The following MUC5B variants were observed in gnomAD, a reference collection of about 807,000 sequenced individuals.
The protein encoded by MUC5B is mucin 5B, oligomeric mucus/gel-forming, also known as mucin-5B.
Under a neutral mutation model 376.9 loss-of-function variants are expected in MUC5B, and 116 were observed. The observed-to-expected ratio is 0.31, with a 90% CI of 0.26 to 0.36. MUC5B has a LOEUF of 0.36. Ranked by LOEUF, MUC5B falls within the 10% of genes least tolerant of loss-of-function variation. MUC5B has a pLI of 1.00. For missense variants in MUC5B, 7,165 were observed against 7,769.9 expected (o/e 0.92, Z 2.93); for synonymous variants, 3,517 against 3,390.9 (o/e 1.04, Z -1.29).
chr11:1,241,497 C>T lies in MUC5B; in HGVS notation c.4617C>T (p.His1539=). 1 of 1,613,684 alleles carries T rather than the reference C, an allele frequency of 6.2e-7. No individual in the cohort carries two copies. The highest frequency in any genetic ancestry group is 8.5e-7 in the Non-Finnish European group (1 of 1,179,814). The change falls in exon 31 of 49, where the codon CAC becomes CAT. Residue 1539 remains histidine, a synonymous_variant. Transcript: ENST00000529681. ...ATAAGATCAGGGCCGCTGGAGGGCA[C>T]TTATGCCAGCAGCCTAAGGACATAG... The part of the protein sequence containing the change: ...SYDKIRAAGG[H]LCQQPKDIEC...
chr11:1,227,883 G>T, intron 7 of MUC5B, 102 bp downstream of exon 7: 1 of 625,944 alleles, frequency 1.6e-6, no homozygotes, highest in Non-Finnish European at 2.9e-6. Context: ...TGGAGAGATG[G>T]TGCCATTGGA....
chr11:1,260,433 C>T, intron 47 of MUC5B, 40 bp downstream of exon 47: 1 of 1,608,560 alleles, frequency 6.2e-7, no homozygotes, highest in South Asian at 1.1e-5. Flanking sequence ...CCTCCAGCTC[C>T]AGCCCGTCGC....
At chr11:1,240,614 C>T (rs947880090) in intron 30 of MUC5B, among the ~76,000 whole-genome samples, 2 of 152,212 alleles carry the variant, frequency 1.3e-5, no homozygotes, top group African/African-American at 4.8e-5. Context: ...TCCTGGACTC[C>T]GTCCCATCCC....
chr11:1,227,235 AC>A, intron 5 of MUC5B, 72 bp from the exon 6 acceptor site: 1 of 1,572,232 alleles, frequency 6.4e-7, no homozygotes, highest in East Asian at 2.3e-5. Context: ...GCTTGGGGTC[AC>A]GGGGCTTGGG....
At chr11:1,260,269 C>G (rs373512894) in intron 46 of MUC5B, 82 bp from the exon 47 acceptor site, 2 of 1,479,832 alleles carry the variant, frequency 1.4e-6, no homozygotes, top group East Asian at 2.3e-5. Flanking sequence ...TGCCCCTGCC[C>G]GGGTGGGCCC....
chr11:1,236,302 G>A, intron 23 of MUC5B, 84 bp from the exon 24 acceptor site: 2 of 1,400,084 alleles, frequency 1.4e-6, no homozygotes, highest in Non-Finnish European at 1.9e-6. Context: ...CACCTGCAGA[G>A]CACTGGGTGG....
intron 30 of MUC5B, 38 bp downstream of exon 30, chr11:1,240,413 C>T (rs552305365): frequency 6.5e-7 from 1 of 1,532,298 alleles, no homozygotes; most frequent in Non-Finnish European, 8.8e-7. Context: ...CCAGTACCGT[C>T]TGGGTGACAA....
rs774774811 is a variant in MUC5B, at chr11:1,248,362, C to T, written c.11482C>T (p.Pro3828Ser). ...GTCCACAGCCACACCCTCCTCCACT[C>T]CAGAGACTGCCCACACCTCCACAGT... ...TMSTATPSST[P>S]ETAHTSTVLT... The change falls in exon 31 of 49, where the codon CCA becomes TCA. Residue 3828 changes from proline to serine, a missense_variant. Around this residue, in one of 31 missense-constraint regions of MUC5B, gnomAD observed 242 missense variants for 199.0 expected, o/e 1.22. Transcript: ENST00000529681. The T allele has an allele frequency of 6.2e-7, 1 of 1,612,888 alleles. No individual in the cohort carries two copies. The highest frequency in any genetic ancestry group is 1.7e-5 in the Admixed American group (1 of 59,924).
rs1202082186 is a variant in MUC5B at position 1,255,541 on chromosome 11, C to T, written c.16049C>T (p.Ala5350Val). 2.6e-6 allele frequency: 4 copies of T among 1,537,666 alleles called. No homozygotes were observed. In the African/African-American group the frequency reaches 5.5e-5, roughly 21 times the overall value. ...GGAGTGTGCAGTGACTGGCGAGGTG[C>T]AACCGGTGGCCTGTGCGGTGAGTGG... ...ARGVCSDWRG[A>V]TGGLCDLTCP... Residue 5350 changes from alanine to valine, a missense_variant, in exon 37 of 49, where the codon GCA becomes GTA. Physicochemically the swap from Ala to Val is moderately conservative, Grantham distance 64 (BLOSUM62 0). Coordinates refer to ENST00000529681, the MANE Select transcript of MUC5B (RefSeq NM_002458.3).
In MUC5B at chr11:1,260,250, G is replaced by T. The variant is rs562419337; in HGVS notation, c.16924-101G>T. The T allele has an allele frequency of 3.8e-3, 4,068 of 1,074,824 alleles. 10 individuals carry two copies. The highest frequency in any genetic ancestry group is 4.5e-3 in the Non-Finnish European group (3,496 of 769,096). 66.6% of individuals were successfully genotyped at this position (1,074,824 alleles called of 1,614,324 possible). A position where few individuals can be genotyped will look rare whatever the true frequency, so the allele number is the denominator to read the frequency against. Reference sequence around the variant, plus strand: ...TGCCTGGGAGGCCCCGCCCCTGCCCGGGAGGCCATGCCCCTGCCCGGGTGG... The same window carrying T: ...TGCCTGGGAGGCCCCGCCCCTGCCCTGGAGGCCATGCCCCTGCCCGGGTGG... On this transcript the variant is annotated intron_variant, in intron 46 of 48. Transcript: ENST00000529681.
intron 3 of MUC5B, 35 bp downstream of exon 3, chr11:1,226,311 G>A: frequency 1.3e-6 from 2 of 1,547,388 alleles, no homozygotes; most frequent in Non-Finnish European, 1.7e-6. Context: ...CCGGGAAGGG[G>A]GTGTTTGCCA....
Position 1,242,401 on chromosome 11 carries a change from G to A in MUC5B, c.5521G>A (p.Asp1841Asn), listed in dbSNP as rs377280685. 2.6e-5 allele frequency: 42 copies of A among 1,613,696 alleles called. No individual in the cohort carries two copies. In the African/African-American group the frequency reaches 4.4e-4, roughly 17 times the overall value. The change falls in exon 31 of 49, where the codon GAC becomes AAC. Residue 1841 changes from aspartate (D) to asparagine (N), a missense_variant. By Grantham distance (23) the Asp-to-Asn change is conservative. Transcript: ENST00000529681. The stretch of plus-strand genomic sequence containing the variant: ...GGAGAACTACCCCGAGGTAAGCATC[G>A]ACCAGGTCGGGCAGGTGCTGACCTG... ...RAENYPEVSI[D>N]QVGQVLTCSL...
Position 1,259,738 on chromosome 11 carries a change from C to G in MUC5B, c.16714-18C>G. 2.5e-6 allele frequency: 4 copies of G among 1,610,550 alleles called. No homozygotes were observed. The highest frequency in any genetic ancestry group is 3.4e-6 in the Non-Finnish European group (4 of 1,178,126). On this transcript the variant is annotated intron_variant, in intron 44 of 48. Transcript: ENST00000529681. ...TGGAGGAGAGGGTTAGGGCCTGACGCCCCTCATGTCCCCACAGGGCTTTGA... is the reference window on the plus strand; with the variant it reads ...TGGAGGAGAGGGTTAGGGCCTGACGGCCCTCATGTCCCCACAGGGCTTTGA...
In MUC5B at chr11:1,235,938, C is replaced by T. The variant is rs558276084; in HGVS notation, c.2881-448C>T. Among the ~76,000 whole-genome samples, 329 of 152,258 alleles carry T rather than the reference C, an allele frequency of 2.2e-3. 3 individuals are homozygous for T. Among genetic ancestry groups the T allele is most frequent in the African/African-American group, 7.7e-3 (318 of 41,546 alleles). On this transcript the variant is annotated intron_variant, in intron 23 of 48. Coordinates refer to ENST00000529681, the MANE Select transcript of MUC5B (RefSeq NM_002458.3). The stretch of plus-strand genomic sequence containing the variant: ...TGTGGACAGGCATTTTCAGGAGCCA[C>T]GATTCACCCTGCCACACCTAGAGAC...
chr11:1,224,117 T>G (rs1489009354), intron 1 of MUC5B, among the ~76,000 whole-genome samples: 1 of 152,194 alleles, frequency 6.6e-6, no homozygotes, highest in Non-Finnish European at 1.5e-5. Flanking sequence ...AGCCACCTCC[T>G]TGCATCTGAT....
Position 1,225,718 on chromosome 11 carries a change from A to G in MUC5B, c.108A>G (p.Ala36=). Residue 36 remains alanine (A), a synonymous_variant, in exon 2 of 49, where the codon GCA becomes GCG. Coordinates refer to ENST00000529681, the MANE Select transcript of MUC5B (RefSeq NM_002458.3). ...CTGTGGAGCCGAGCTGGGAGAATGC[A>G]GGGCACACCATGGATGGCGGTATGT... The part of the protein sequence containing the change: ...QGPVEPSWEN[A]GHTMDGGAPT... 2 of 1,606,180 alleles carry G rather than the reference A, an allele frequency of 1.2e-6. No homozygotes were observed.
chr11:1,250,854 T>G lies in MUC5B; in HGVS notation c.13974T>G (p.Thr4658=). ...TARVLTTTTT[T]VATGSMATPS... ...GAGTGCTGACCACCACCACCACAACTGTGGCCACTGGTTCTATGGCAACAC... is the reference window on the plus strand; with the variant it reads ...GAGTGCTGACCACCACCACCACAACGGTGGCCACTGGTTCTATGGCAACAC... The change falls in exon 31 of 49, where the codon ACT becomes ACG. Residue 4658 remains threonine (T), a synonymous_variant. Coordinates refer to ENST00000529681, the MANE Select transcript of MUC5B (RefSeq NM_002458.3). 6.2e-7 allele frequency: 1 copy of G among 1,606,354 alleles called. No homozygotes were observed. The highest frequency in any genetic ancestry group is 8.5e-7 in the Non-Finnish European group (1 of 1,176,810).
rs760594761 is a variant in MUC5B at position 1,247,943 on chromosome 11, G to A, written c.11063G>A (p.Gly3688Glu). The change falls in exon 31 of 49, where the codon GGG (glycine) becomes GAG (glutamate). Residue 3688 changes from glycine (G) to glutamate (E), a missense_variant. By Grantham distance (98) the Gly-to-Glu change is moderately conservative. Coordinates refer to ENST00000529681, the MANE Select transcript of MUC5B (RefSeq NM_002458.3). ...SSTATPSSTP[G>E]TTWILTKLTT... Reference sequence around the variant, plus strand: ...ACGGCCACGCCCTCCTCAACTCCGGGGACGACCTGGATCCTCACAAAGCTG... The same window carrying A: ...ACGGCCACGCCCTCCTCAACTCCGGAGACGACCTGGATCCTCACAAAGCTG... The A allele has an allele frequency of 6.2e-7, 1 of 1,611,168 alleles. No individual in the cohort carries two copies. Among genetic ancestry groups the A allele is most frequent in the Non-Finnish European group, 8.5e-7 (1 of 1,178,292 alleles).
intron 25 of MUC5B, among the ~76,000 whole-genome samples, chr11:1,238,015 G>A (rs60084290): frequency 0.018 from 2,752 of 152,334 alleles, 64 homozygotes; most frequent in African/African-American, 0.062. Context: ...GCTCGTGGGA[G>A]GCCCTGAAGC....
Sources: gnomAD v4.1 joint callset for allele counts (sites outside exome capture counted in the v4.1 genomes callset) on GRCh38, gnomAD v4.1.1 for gene constraint, gnomAD v4.1.1 regional missense constraint, MANE v1.5 for transcripts, NCBI Gene and HGNC (gene_info 2026-07-23, HGNC 2026-07-21) for gene names.